PGCKA1: variants seen among roughly 807,000 people sequenced by gnomAD.
PGCKA1 encodes the protein PDCD10 and GCKIII kinases-associated protein 1.
chr4:37,549,038 G>A, the PGCKA1 span, among the ~76,000 whole-genome samples: 1 of 141,740 alleles, frequency 7.1e-6, no homozygotes, highest in Non-Finnish European at 1.5e-5. Flanking sequence ...AGCTCTCTCT[G>A]CTATATCCCG....
the PGCKA1 span, among the ~76,000 whole-genome samples, chr4:37,568,183 C>A: frequency 6.6e-6 from 1 of 152,196 alleles, no homozygotes; most frequent in Non-Finnish European, 1.5e-5. Flanking sequence ...AGAGGCAGCC[C>A]TTCTAGTGGT....
At chr4:37,477,250 G>T in the PGCKA1 span, among the ~76,000 whole-genome samples, 4 of 152,140 alleles carry the variant, frequency 2.6e-5, no homozygotes, top group African/African-American at 9.7e-5. Flanking sequence ...GCTACAACAT[G>T]AATGAACCTT....
At chr4:37,541,235 C>T in the PGCKA1 span, among the ~76,000 whole-genome samples, 1 of 152,170 alleles carries the variant, frequency 6.6e-6, no homozygotes, top group African/African-American at 2.4e-5. Flanking sequence ...GCTTCCTTTT[C>T]CACCACCCAC....
chr4:37,554,176 G>T, the PGCKA1 span, among the ~76,000 whole-genome samples: 5 of 152,076 alleles, frequency 3.3e-5, no homozygotes, highest in African/African-American at 1.2e-4. Flanking sequence ...TGACATGTAA[G>T]ATGTGCCTTT....
At chr4:37,540,237 AGT>A in the PGCKA1 span, among the ~76,000 whole-genome samples, 92 of 152,232 alleles carry the variant, frequency 6.0e-4, no homozygotes, top group Admixed American at 2.2e-3. Context: ...TTTAATGTAG[AGT>A]GTATAAATCA....
At chr4:37,465,041 T>C in the PGCKA1 span, among the ~76,000 whole-genome samples, 2 of 152,206 alleles carry the variant, frequency 1.3e-5, no homozygotes, top group Non-Finnish European at 2.9e-5. Context: ...TGATTCTCAG[T>C]TCCATGAAGA....
the PGCKA1 span, among the ~76,000 whole-genome samples, chr4:37,517,312 TATATATAG>T: frequency 4.9e-4 from 71 of 146,180 alleles, no homozygotes; most frequent in East Asian, 0.013. Context: ...TATATAAATA[TATATATAG>T]AGAGAGAGAG....
chr4:37,573,004 T>A, the PGCKA1 span, among the ~76,000 whole-genome samples: 2,336 of 152,338 alleles, frequency 0.015, 76 homozygotes, highest in African/African-American at 0.054. Context: ...TTCAAACATA[T>A]AGCAAAGTTG....
At chr4:37,461,300 C>T in the PGCKA1 span, among the ~76,000 whole-genome samples, 17 of 152,094 alleles carry the variant, frequency 1.1e-4, no homozygotes, top group African/African-American at 3.6e-4. Flanking sequence ...GCTGTATGGA[C>T]TCTTTTTTGG....
chr4:37,529,663 G>A, the PGCKA1 span, among the ~76,000 whole-genome samples: 3 of 152,190 alleles, frequency 2.0e-5, no homozygotes, highest in Non-Finnish European at 4.4e-5. Flanking sequence ...TATTCCGGAG[G>A]GGAAAATATC....
chr4:37,479,991 A>C, the PGCKA1 span, among the ~76,000 whole-genome samples: 102 of 152,356 alleles, frequency 6.7e-4, no homozygotes, highest in African/African-American at 1.9e-3. Context: ...TGAAGTATTT[A>C]TAAAATAAAA....
At chr4:37,457,695 C>A in the PGCKA1 span, among the ~76,000 whole-genome samples, 6 of 152,158 alleles carry the variant, frequency 3.9e-5, no homozygotes, top group African/African-American at 9.7e-5. Context: ...TTGTCAACAA[C>A]CTTAGTCCTC....
the PGCKA1 span, among the ~76,000 whole-genome samples, chr4:37,475,333 A>G: frequency 1.3e-5 from 2 of 152,150 alleles, no homozygotes; most frequent in Non-Finnish European, 1.5e-5. Flanking sequence ...CAAAATTAAT[A>G]AAAGTGGTAA....
the PGCKA1 span, among the ~76,000 whole-genome samples, chr4:37,571,384 G>C: frequency 1.7e-5 from 1 of 58,996 alleles, no homozygotes; most frequent in Admixed American, 2.4e-4. Flanking sequence ...TTTTTTTTGA[G>C]ACAGACCTCA....
chr4:37,508,675 T>TG, the PGCKA1 span, among the ~76,000 whole-genome samples: 1 of 133,298 alleles, frequency 7.5e-6, no homozygotes, highest in Non-Finnish European at 1.6e-5. Context: ...TTTTTTTTTT[T>TG]GCTGAATCTT....
chr4:37,460,031 C>T, the PGCKA1 span, among the ~76,000 whole-genome samples: 2 of 152,056 alleles, frequency 1.3e-5, no homozygotes, highest in Admixed American at 6.5e-5. Context: ...GTTCCCCTCC[C>T]TGTGTTCATG....
the PGCKA1 span, among the ~76,000 whole-genome samples, chr4:37,538,745 AG>A: frequency 6.6e-6 from 1 of 152,228 alleles, no homozygotes; most frequent in African/African-American, 2.4e-5. Flanking sequence ...TCTCCTGTTT[AG>A]GTTTCTAACT....
At chr4:37,514,635 T>C in the PGCKA1 span, among the ~76,000 whole-genome samples, 5 of 152,318 alleles carry the variant, frequency 3.3e-5, no homozygotes, top group Admixed American at 6.5e-5. Context: ...TAAAATTATA[T>C]GGTATGATTT....
the PGCKA1 span, among the ~76,000 whole-genome samples, chr4:37,535,685 C>CTTTTCCATGACCTGT: frequency 6.6e-6 from 1 of 152,014 alleles, no homozygotes; most frequent in African/African-American, 2.4e-5. Context: ...TCATGACCTG[C>CTTTTCCATGACCTGT]GCTTTTCCTC....
Sources: gnomAD v4.1 joint callset for allele counts (sites outside exome capture counted in the v4.1 genomes callset) on GRCh38, gnomAD v4.1.1 for gene constraint, MANE v1.5 for transcripts, NCBI Gene and HGNC (gene_info 2026-07-23, HGNC 2026-07-21) for gene names.